The following PPP1R1C variants were observed in gnomAD, a reference collection of about 807,000 sequenced individuals.
PPP1R1C encodes protein phosphatase 1 regulatory subunit 1C.
PPP1R1C carries 15 observed loss-of-function variants against 17.4 expected under a neutral mutation model. The observed-to-expected ratio is 0.86, with a 90% CI of 0.58 to 1.33. The LOEUF is 1.33. Among genes scored for constraint, PPP1R1C ranks in the 40% most tolerant of loss-of-function variants. PPP1R1C has a pLI of 0.00. For synonymous variants in PPP1R1C, 35 were observed against 43.1 expected (o/e 0.81, Z 0.73); for missense variants, 143 against 130.0 (o/e 1.10, Z -0.48).
chr2:182,124,327 G>GTTTTTTTTTTTTTTTTTTTTT (rs1294464668), intron 5 of PPP1R1C, among the ~76,000 whole-genome samples: 19 of 82,986 alleles, frequency 2.3e-4, no homozygotes, highest in Admixed American at 2.5e-4. Context: ...TTTTTTTTTT[G>GTTTTTTTTTTTTTTTTTTTTT]TTTTTTTTTT....
upstream of PPP1R1C, among the ~76,000 whole-genome samples, chr2:181,980,927 G>GT (rs34675053): frequency 0.043 from 5,792 of 135,756 alleles, 273 homozygotes; most frequent in African/African-American, 0.1. Context: ...ATAAGGAGAA[G>GT]TTTTTTTTTT....
intron 1 of PPP1R1C, among the ~76,000 whole-genome samples, chr2:181,963,184 C>T (rs1174526931): frequency 6.6e-6 from 1 of 151,858 alleles, no homozygotes; most frequent in Non-Finnish European, 1.5e-5. Context: ...TTATAAATAG[C>T]AACCCCCAAA....
At chr2:181,971,066 A>G (rs1684997570) in intron 1 of PPP1R1C, among the ~76,000 whole-genome samples, 1 of 152,128 alleles carries the variant, frequency 6.6e-6, no homozygotes, top group South Asian at 2.1e-4. Context: ...GCTCTACCCC[A>G]TTGTGACCAG....
chr2:182,093,196 A>C (rs775979293), intron 4 of PPP1R1C, among the ~76,000 whole-genome samples: 3 of 152,182 alleles, frequency 2.0e-5, no homozygotes, highest in Non-Finnish European at 4.4e-5. Flanking sequence ...CACCATGTAG[A>C]AGCTGCCAAG....
chr2:182,055,393 C>CA (rs1225070795), intron 2 of PPP1R1C, among the ~76,000 whole-genome samples: 1 of 152,134 alleles, frequency 6.6e-6, no homozygotes, highest in African/African-American at 2.4e-5. Flanking sequence ...AGAGAGGTAG[C>CA]AAAATCTATG....
intron 2 of PPP1R1C, among the ~76,000 whole-genome samples, chr2:181,993,501 C>T (rs1404385383): frequency 6.6e-6 from 1 of 152,126 alleles, no homozygotes; most frequent in Non-Finnish European, 1.5e-5. Context: ...TAAATGGTCT[C>T]ATTTGAATGT....
chr2:182,007,678 T>A (rs1685960736), intron 2 of PPP1R1C, among the ~76,000 whole-genome samples: 9 of 152,206 alleles, frequency 5.9e-5, no homozygotes, highest in Admixed American at 3.3e-4. Context: ...AGAGGCAAAG[T>A]GCCTGGAGAC....
intron 2 of PPP1R1C, among the ~76,000 whole-genome samples, chr2:182,002,936 C>CA (rs1553502184): frequency 3.0e-5 from 4 of 135,520 alleles, no homozygotes; most frequent in Non-Finnish European, 4.8e-5. Flanking sequence ...AACCTCCCCC[C>CA]CCCCACAACC....
intron 5 of PPP1R1C, among the ~76,000 whole-genome samples, chr2:182,125,566 A>G (rs922257646): frequency 4.6e-5 from 7 of 152,094 alleles, no homozygotes; most frequent in African/African-American, 1.7e-4. Context: ...TACTGCCTCA[A>G]TTTCAGAACT....
chr2:182,032,883 A>T (rs915922395), intron 2 of PPP1R1C, among the ~76,000 whole-genome samples: 1 of 152,192 alleles, frequency 6.6e-6, no homozygotes, highest in East Asian at 1.9e-4. Context: ...TTTTAAAAAC[A>T]AAACTTCTCT....
chr2:182,111,309 G>A (rs3731689), intron 4 of PPP1R1C, among the ~76,000 whole-genome samples: 36,803 of 151,946 alleles, frequency 0.24, 4,992 homozygotes, highest in African/African-American at 0.37. Flanking sequence ...AAATCATATT[G>A]CACGTTTATT....
At chr2:182,025,155 C>T (rs1686559944) in intron 2 of PPP1R1C, among the ~76,000 whole-genome samples, 1 of 147,996 alleles carries the variant, frequency 6.8e-6, no homozygotes, top group Non-Finnish European at 1.5e-5. Flanking sequence ...TTTCTCTTTG[C>T]CAAACCTCAA....
chr2:182,114,889 C>T (rs1289564282), intron 4 of PPP1R1C, among the ~76,000 whole-genome samples: 1 of 152,124 alleles, frequency 6.6e-6, no homozygotes, highest in Non-Finnish European at 1.5e-5. Context: ...TCAGGGTAAA[C>T]AAGCAGACCT....
intron 2 of PPP1R1C, among the ~76,000 whole-genome samples, chr2:182,004,912 C>G (rs1685872398): frequency 1.3e-5 from 2 of 152,096 alleles, no homozygotes; most frequent in African/African-American, 4.8e-5. Flanking sequence ...CCTTTTCTAA[C>G]AAGACAGAAG....
chr2:182,027,724 A>C (rs1188399104), intron 2 of PPP1R1C, among the ~76,000 whole-genome samples: 2 of 151,560 alleles, frequency 1.3e-5, no homozygotes, highest in East Asian at 3.9e-4. Flanking sequence ...TGCTAGCCTC[A>C]TAAAATGAGT....
intron 2 of PPP1R1C, among the ~76,000 whole-genome samples, chr2:182,008,171 TG>T (rs1464116385): frequency 4.6e-5 from 7 of 152,160 alleles, no homozygotes; most frequent in African/African-American, 1.7e-4. Context: ...ATGAGTGAAT[TG>T]TATTATGCTT....
chr2:182,039,707 A>G (rs949960557), intron 2 of PPP1R1C, among the ~76,000 whole-genome samples: 1 of 152,152 alleles, frequency 6.6e-6, no homozygotes, highest in African/African-American at 2.4e-5. Context: ...GGTTACGTAG[A>G]CGAATTGTAT....
chr2:182,019,489 C>T (rs528395846), intron 2 of PPP1R1C, among the ~76,000 whole-genome samples: 2 of 152,292 alleles, frequency 1.3e-5, no homozygotes, highest in African/African-American at 4.8e-5. Context: ...GCTGATGATA[C>T]AATGGTACTA....
chr2:182,041,534 G>A (rs1033864912), intron 2 of PPP1R1C, among the ~76,000 whole-genome samples: 3 of 151,044 alleles, frequency 2.0e-5, no homozygotes, highest in East Asian at 3.9e-4. Context: ...GCTGGAACCC[G>A]GGAGGCGGAG....
Sources: allele counts gnomAD v4.1 joint callset (sites outside exome capture counted in the v4.1 genomes callset), GRCh38; gene constraint gnomAD v4.1.1; transcripts MANE v1.5; gene names NCBI Gene and HGNC (gene_info 2026-07-23, HGNC 2026-07-21).